PCDH9: variants seen among roughly 807,000 people sequenced by gnomAD.
PCDH9 encodes the protein protocadherin-9.
PCDH9 carries 24 observed loss-of-function variants against 70.6 expected under a neutral mutation model. The observed-to-expected ratio is 0.34, with a 90% confidence interval of 0.25 to 0.48. The LOEUF (loss-of-function observed/expected upper bound fraction) is 0.48. Among genes scored for constraint, PCDH9 ranks in the 20% least tolerant of loss-of-function variants. The pLI, the probability that PCDH9 is intolerant of heterozygous loss-of-function variation, is 0.99. For synonymous variants in PCDH9, 562 were observed against 558.5 expected (o/e 1.01, Z -0.09); for missense variants, 1,281 against 1,503.6 (o/e 0.85, Z 2.45).
At chr13:67,196,350 A>G (rs1468234142) in intron 2 of PCDH9, among the ~76,000 whole-genome samples, 1 of 152,068 alleles carries the variant, frequency 6.6e-6, no homozygotes, top group Non-Finnish European at 1.5e-5. Flanking sequence ...CTGAGAGAGA[A>G]TGGTACTTGG....
rs1957656039 is a variant in PCDH9 at position 66,425,646 on chromosome 13, A to C, written c.3341-120618T>G. ...CCAAAGTTATAAATTATATCCTAGG[A>C]ATGAAGGAGGGAACCAGGTGGATAG... On this transcript the variant is annotated intron_variant, in intron 4 of 4. Coordinates refer to ENST00000377865, the MANE Select transcript of PCDH9 (RefSeq NM_203487.3). Among the ~76,000 whole-genome samples, 3 of 151,636 alleles carry C rather than the reference A, an allele frequency of 2.0e-5. No homozygotes were observed. In the South Asian group the frequency reaches 6.2e-4, roughly 31 times the overall value.
At chr13:67,023,737 A>T (rs1001310038) in intron 2 of PCDH9, among the ~76,000 whole-genome samples, 11 of 152,138 alleles carry the variant, frequency 7.2e-5, no homozygotes, top group Admixed American at 5.9e-4. Flanking sequence ...GGTTGTTGCC[A>T]TGACTACAAG....
chr13:67,098,846 C>CA (rs2086375760), intron 2 of PCDH9, among the ~76,000 whole-genome samples: 1 of 151,574 alleles, frequency 6.6e-6, no homozygotes, highest in Non-Finnish European at 1.5e-5. Flanking sequence ...AGTAAAATAG[C>CA]AAAAAACACA....
chr13:67,162,236 A>G (rs1000171488), intron 2 of PCDH9, among the ~76,000 whole-genome samples: 3 of 152,228 alleles, frequency 2.0e-5, no homozygotes, highest in African/African-American at 7.2e-5. Flanking sequence ...ATAACATTTG[A>G]CAAGATCAAA....
At chr13:66,335,916 G>A (rs1049085008) in intron 4 of PCDH9, among the ~76,000 whole-genome samples, 1 of 152,064 alleles carries the variant, frequency 6.6e-6, no homozygotes, top group African/African-American at 2.4e-5. Flanking sequence ...AAGCTTTGCC[G>A]CACAAGACTG....
At chr13:66,493,271 C>G (rs560795750) in intron 4 of PCDH9, among the ~76,000 whole-genome samples, 1 of 152,182 alleles carries the variant, frequency 6.6e-6, no homozygotes, top group Non-Finnish European at 1.5e-5. Flanking sequence ...CATTTGAATA[C>G]TAGCCAGCAA....
intron 2 of PCDH9, among the ~76,000 whole-genome samples, chr13:67,066,950 T>C (rs1413047945): frequency 2.0e-5 from 3 of 152,206 alleles, no homozygotes; most frequent in Non-Finnish European, 1.5e-5. Context: ...CACATCCATA[T>C]GAAATGCACG....
intron 2 of PCDH9, among the ~76,000 whole-genome samples, chr13:67,141,044 T>TAA (rs1175670811): frequency 2.0e-5 from 3 of 152,164 alleles, no homozygotes; most frequent in Non-Finnish European, 2.9e-5. Context: ...TCAAAAGAGA[T>TAA]AAGGAACTAG....
chr13:66,720,834 A>C (rs2139152556), intron 3 of PCDH9, among the ~76,000 whole-genome samples: 1 of 152,320 alleles, frequency 6.6e-6, no homozygotes, highest in Non-Finnish European at 1.5e-5. Flanking sequence ...AGAGTAATTA[A>C]AGAATATAAT....
chr13:66,776,478 C>T (rs534511342), intron 3 of PCDH9, among the ~76,000 whole-genome samples: 1 of 150,684 alleles, frequency 6.6e-6, no homozygotes, highest in African/African-American at 2.4e-5. Context: ...ATTCTTATAC[C>T]CCAATAACAG....
rs2138216155 is a variant in PCDH9 at position 66,370,843 on chromosome 13, T to G, written c.3341-65815A>C. Among the ~76,000 whole-genome samples, 4 of 152,220 alleles carry G rather than the reference T, an allele frequency of 2.6e-5. 1 individual carries two copies. In the Middle Eastern group the frequency reaches 0.014, roughly 518 times the overall value. The stretch of plus-strand genomic sequence containing the variant: ...ATTGCCATAGTCTTGAATAAACTCT[T>G]CCTTGCTATTTTTACCTAGTGTCTA... On this transcript the variant is annotated intron_variant, in intron 4 of 4. Transcript: ENST00000377865.
intron 4 of PCDH9, among the ~76,000 whole-genome samples, chr13:66,626,768 T>C (rs547556676): frequency 3.0e-4 from 46 of 152,300 alleles, no homozygotes; most frequent in Admixed American, 2.2e-3. Context: ...ACAAAACCTA[T>C]CAATTATTGC....
chr13:66,929,274 G>A (rs1013495009), intron 2 of PCDH9, among the ~76,000 whole-genome samples: 3 of 151,108 alleles, frequency 2.0e-5, no homozygotes, highest in Admixed American at 2.0e-4. Context: ...CATGTTTGGC[G>A]GCCTTATAAC....
At chr13:67,136,911 T>G (rs1188427339) in intron 2 of PCDH9, among the ~76,000 whole-genome samples, 1 of 152,048 alleles carries the variant, frequency 6.6e-6, no homozygotes, top group East Asian at 1.9e-4. Context: ...AGTTTCTCTG[T>G]GTCTGCATTT....
At chr13:66,587,371 CAAAA>C (rs1280409352) in intron 4 of PCDH9, among the ~76,000 whole-genome samples, 1 of 151,628 alleles carries the variant, frequency 6.6e-6, no homozygotes, top group African/African-American at 2.4e-5. Context: ...AACATACAAA[CAAAA>C]AGAACATCAT....
chr13:66,834,020 A>G, intron 3 of PCDH9, among the ~76,000 whole-genome samples: 1 of 152,176 alleles, frequency 6.6e-6, no homozygotes, highest in East Asian at 1.9e-4. Flanking sequence ...AGAATGAAAA[A>G]AATCTAATTT....
chr13:66,487,868 C>G (rs1280757581), intron 4 of PCDH9, among the ~76,000 whole-genome samples: 1 of 152,262 alleles, frequency 6.6e-6, no homozygotes, highest in Non-Finnish European at 1.5e-5. Context: ...ACCATGTAAG[C>G]TTGTAGACCA....
intron 4 of PCDH9, among the ~76,000 whole-genome samples, chr13:66,393,557 C>T (rs1470069449): frequency 6.6e-6 from 1 of 152,084 alleles, no homozygotes; most frequent in African/African-American, 2.4e-5. Context: ...CACAGGAATC[C>T]AAAGTAGCTT....
chr13:66,900,069 C>T (rs990542756), intron 3 of PCDH9, among the ~76,000 whole-genome samples: 3 of 151,886 alleles, frequency 2.0e-5, no homozygotes, highest in African/African-American at 4.8e-5. Context: ...CGTTATGTTT[C>T]AGTAATATGC....
Sources: gnomAD v4.1 joint callset for allele counts (sites outside exome capture counted in the v4.1 genomes callset) on GRCh38, gnomAD v4.1.1 for gene constraint, MANE v1.5 for transcripts, NCBI Gene and HGNC (gene_info 2026-07-23, HGNC 2026-07-21) for gene names.